The following ERICH1 variants were observed in gnomAD, a reference collection of about 807,000 sequenced individuals.
The protein encoded by ERICH1 is glutamate-rich protein 1.
A neutral mutation model predicts 39.6 loss-of-function variants in ERICH1; 56 were observed. The observed-to-expected ratio is 1.41, with a 90% CI of 1.14 to 1.77. The LOEUF is 1.77. ERICH1 is among the 40% of genes most tolerant of loss of function. The pLI is 0.00. For missense variants in ERICH1, 826 were observed against 575.4 expected (o/e 1.44, Z -4.45); for synonymous variants, 313 against 223.6 (o/e 1.40, Z -3.57).
chr8:633,017 C>A (rs1169970861), intron 3 of ERICH1, among the ~76,000 whole-genome samples: 1 of 152,184 alleles, frequency 6.6e-6, no homozygotes, highest in Non-Finnish European at 1.5e-5. Context: ...TCGGCCAGAG[C>A]TCTTGGACGC....
chr8:718,241 G>C (rs1281022496), intron 1 of ERICH1, among the ~76,000 whole-genome samples: 1 of 151,966 alleles, frequency 6.6e-6, no homozygotes, highest in African/African-American at 2.4e-5. Flanking sequence ...ATGGATCGGA[G>C]TGCACGGAGA....
In ERICH1 at chr8:679,913, C is replaced by T. The variant is rs1703901; in HGVS notation, c.305-5866G>A. ...AACACAGAAGATGCAAGAGAATCCACAGCTGCCACCCCTGTGAACACAGAA... is the reference window on the plus strand; with the variant it reads ...AACACAGAAGATGCAAGAGAATCCATAGCTGCCACCCCTGTGAACACAGAA... On this transcript the variant is annotated intron_variant, in intron 3 of 5. Transcript: ENST00000262109. Among the ~76,000 whole-genome samples the T allele has an allele frequency of 2.8e-4, 17 of 60,810 alleles. 1 individual carries two copies. The highest frequency in any genetic ancestry group is 2.2e-3 in the East Asian group (2 of 898). The allele number at this position is 60,810 out of a possible 152,430, so 39.9% of individuals were successfully genotyped here. A position where few individuals can be genotyped will look rare whatever the true frequency, so the allele number is the denominator to read the frequency against.
At chr8:620,736 C>T (rs1225600961) in intron 3 of ERICH1, among the ~76,000 whole-genome samples, 2 of 152,074 alleles carry the variant, frequency 1.3e-5, no homozygotes, top group Admixed American at 6.5e-5. Context: ...GTTAACATAA[C>T]AATTATAAAC....
chr8:690,634 C>T (rs939889596), intron 3 of ERICH1, among the ~76,000 whole-genome samples: 12 of 152,218 alleles, frequency 7.9e-5, no homozygotes, highest in African/African-American at 2.9e-4. Context: ...CCTGCCTGGG[C>T]GACAAGGCCC....
intron 1 of ERICH1, among the ~76,000 whole-genome samples, chr8:729,748 G>A (rs1191177548): frequency 6.6e-6 from 1 of 151,878 alleles, no homozygotes; most frequent in African/African-American, 2.4e-5. Context: ...TTCGAGGGAA[G>A]GTGATTAGTG....
intron 1 of ERICH1, among the ~76,000 whole-genome samples, chr8:716,550 T>C (rs1468442581): frequency 2.0e-5 from 3 of 152,216 alleles, no homozygotes; most frequent in African/African-American, 7.2e-5. Context: ...ATGGGGAGAA[T>C]TCCGTGCATC....
chr8:677,088 G>A (rs1163347692), intron 3 of ERICH1, among the ~76,000 whole-genome samples: 3 of 152,218 alleles, frequency 2.0e-5, no homozygotes, highest in Admixed American at 6.5e-5. Flanking sequence ...GGGCCTGCCC[G>A]CATGCTGGAC....
Position 731,181 on chromosome 8 carries a change from CT to C in ERICH1, c.-21del. 6.7e-7 allele frequency: 1 copy of C among 1,500,720 alleles called. No homozygotes were observed. Among genetic ancestry groups the C allele is most frequent in the Admixed American group, 2.1e-5 (1 of 47,470 alleles). 93.0% of individuals were successfully genotyped at this position (1,500,720 alleles called of 1,614,324 possible). On this transcript the variant is annotated 5_prime_UTR_variant, in exon 1 of 6. Transcript: ENST00000262109. The stretch of plus-strand genomic sequence containing the variant: ...CGCCATGCGGGACCCTGCCGCGGAC[CT>C]CAGACCACGGCGCGCGGTCCTGAGC...
chr8:657,826 G>A (rs1800859893), intron 3 of ERICH1, among the ~76,000 whole-genome samples: 1 of 152,172 alleles, frequency 6.6e-6, no homozygotes, highest in Non-Finnish European at 1.5e-5. Flanking sequence ...GATCCCAGAT[G>A]CTGTTGGATC....
intron 3 of ERICH1, chr8:640,683 T>C (rs1325243053): frequency 1.3e-5 from 2 of 152,210 alleles, no homozygotes; most frequent in Non-Finnish European, 2.9e-5. Context: ...CACGACAATG[T>C]ACGGATGGAA....
At chr8:699,812 TCCGCACAAGCGCACAGAC>T (rs1563295552) in intron 2 of ERICH1, among the ~76,000 whole-genome samples, 1 of 26,932 alleles carries the variant, frequency 3.7e-5, no homozygotes, top group African/African-American at 1.4e-4. Context: ...CGCGCACAGA[TCCGCACAAGCGCACAGAC>T]CCGCACAGGC....
rs533916043 is a variant in ERICH1, at chr8:719,477, C to T, written c.23-3470G>A. Among the ~76,000 whole-genome samples the T allele has an allele frequency of 3.9e-5, 6 of 152,366 alleles. No individual in the cohort carries two copies. In the South Asian group the frequency reaches 8.3e-4, roughly 21 times the overall value. On this transcript the variant is annotated intron_variant, in intron 1 of 5. Coordinates refer to ENST00000262109, the MANE Select transcript of ERICH1 (RefSeq NM_207332.3). ...TGGCTGAGATGCTTCTCTCAGCTGA[C>T]GCCCGCGGTCGCCCGCAGGTGCTGT...
chr8:617,413 C>G (rs142720664), intron 3 of ERICH1, among the ~76,000 whole-genome samples: 64 of 152,318 alleles, frequency 4.2e-4, no homozygotes, highest in African/African-American at 1.5e-3. Flanking sequence ...TCATCTACTA[C>G]CTGCGTGTTT....
chr8:615,998 G>C (rs377321254), intron 3 of ERICH1: 41 of 152,802 alleles, frequency 2.7e-4, no homozygotes, highest in African/African-American at 9.4e-4. Context: ...TGAAAATGTA[G>C]ACGTTTGGGA....
intron 3 of ERICH1, among the ~76,000 whole-genome samples, chr8:649,466 G>A (rs1799655605): frequency 6.6e-6 from 1 of 152,236 alleles, no homozygotes. Context: ...GTCAAGCACA[G>A]AGAATTCCAG....
intron 3 of ERICH1, among the ~76,000 whole-genome samples, chr8:644,398 G>GCT (rs1338001810): frequency 2.6e-4 from 4 of 15,650 alleles, no homozygotes; most frequent in South Asian, 2.9e-3. Context: ...CAAAGTCAAG[G>GCT]AAGATTCTTT....
chr8:682,511 C>T (rs190004844), intron 3 of ERICH1, among the ~76,000 whole-genome samples: 9 of 152,314 alleles, frequency 5.9e-5, no homozygotes, highest in Admixed American at 5.9e-4. Context: ...CCAGAGACTC[C>T]AGAATGTCCA....
chr8:616,971 A>C (rs1796959188), intron 3 of ERICH1, among the ~76,000 whole-genome samples: 1 of 129,564 alleles, frequency 7.7e-6, no homozygotes, highest in Non-Finnish European at 1.6e-5. Flanking sequence ...ACACAGAGAG[A>C]GAGAGAGAGA....
In ERICH1 at chr8:714,823, A is replaced by C. The variant is rs1466496684; in HGVS notation, c.169+1038T>G. 2.5e-5 allele frequency among the ~76,000 whole-genome samples: 3 copies of C among 119,634 alleles called. No individual in the cohort carries two copies. In the Admixed American group the frequency reaches 2.6e-4, roughly 10 times the overall value. The allele number at this position is 119,634 out of a possible 152,430, so 78.5% of individuals were successfully genotyped here. On this transcript the variant is annotated intron_variant, in intron 2 of 5. Transcript: ENST00000262109. ...GGATGTGCTGCACCCAGATGTTCTC[A>C]TCCCACGTCTCTCAGTAGGATGTGC...
Sources: allele counts gnomAD v4.1 joint callset (sites outside exome capture counted in the v4.1 genomes callset), GRCh38; gene constraint gnomAD v4.1.1; transcripts MANE v1.5; gene names NCBI Gene and HGNC (gene_info 2026-07-23, HGNC 2026-07-21).